AUTS2: variants seen among roughly 807,000 people sequenced by gnomAD.
The protein encoded by AUTS2 is activator of transcription and developmental regulator AUTS2, also known as autism susceptibility gene 2 protein.
In AUTS2, 17 loss-of-function variants were observed where a neutral mutation model predicts 112.4. The observed-to-expected ratio is 0.15, with a 90% CI of 0.10 to 0.23. AUTS2 has a LOEUF of 0.23. Among genes scored for constraint, AUTS2 ranks in the 10% least tolerant of loss-of-function variants. AUTS2 has a pLI of 1.00. For synonymous variants in AUTS2, 751 were observed against 702.7 expected, an observed-to-expected ratio of 1.07 and a Z score of -1.09; for missense variants, 1,510 against 1,701.6, an observed-to-expected ratio of 0.89 and a Z score of 1.98.
chr7:69,968,969 A>G (rs1214916055), intron 2 of AUTS2, among the ~76,000 whole-genome samples: 1 of 152,082 alleles, frequency 6.6e-6, no homozygotes, highest in Non-Finnish European at 1.5e-5. Context: ...TTTTAAACTC[A>G]CTTGCATTGT....
chr7:70,160,095 T>C (rs568303126), intron 4 of AUTS2, among the ~76,000 whole-genome samples: 41 of 152,310 alleles, frequency 2.7e-4, no homozygotes, highest in Admixed American at 7.2e-4. Context: ...ACTATTCTTT[T>C]ACATGTGACT....
chr7:69,901,898 A>G (rs889938165), intron 2 of AUTS2, among the ~76,000 whole-genome samples: 1 of 152,162 alleles, frequency 6.6e-6, no homozygotes, highest in African/African-American at 2.4e-5. Context: ...AAGGGCTTGG[A>G]CTTGAATGTT....
intron 4 of AUTS2, among the ~76,000 whole-genome samples, chr7:70,224,381 A>G (rs561056493): frequency 6.6e-6 from 1 of 151,862 alleles, no homozygotes; most frequent in Non-Finnish European, 1.5e-5. Context: ...ATACAATACA[A>G]TACAATACAA....
At chr7:70,608,276 A>G (rs1029417717) in intron 5 of AUTS2, among the ~76,000 whole-genome samples, 3 of 151,824 alleles carry the variant, frequency 2.0e-5, no homozygotes, top group Non-Finnish European at 4.4e-5. Context: ...GCTAATTTTT[A>G]ATTTTTTTTG....
In AUTS2 at chr7:70,785,863, A is replaced by G. The variant is rs1025677569; in HGVS notation, c.2225-92A>G. On this transcript the variant is annotated intron_variant, in intron 16 of 18. Coordinates refer to ENST00000342771, the MANE Select transcript of AUTS2 (RefSeq NM_015570.4). The stretch of plus-strand genomic sequence containing the variant: ...GGCCAGGTGGGGGCGTAGAGAGGGC[A>G]GGGATCCCGCATCGCCCTGCTCCCA... 5.1e-6 allele frequency: 6 copies of G among 1,180,262 alleles called. No individual in the cohort carries two copies. In the African/African-American group the frequency reaches 9.1e-5, roughly 18 times the overall value. The allele number at this position is 1,180,262 out of a possible 1,614,324, so 73.1% of individuals were successfully genotyped here. A position where few individuals can be genotyped will look rare whatever the true frequency, so the allele number is the denominator to read the frequency against.
intron 4 of AUTS2, among the ~76,000 whole-genome samples, chr7:70,312,979 T>A (rs1185317881): frequency 1.3e-5 from 2 of 152,186 alleles, no homozygotes; most frequent in African/African-American, 4.8e-5. Context: ...TGTGGAAGAT[T>A]GATTTGGGAG....
At chr7:70,044,213 G>GC (rs978136200) in intron 2 of AUTS2, among the ~76,000 whole-genome samples, 4 of 152,144 alleles carry the variant, frequency 2.6e-5, no homozygotes, top group Non-Finnish European at 4.4e-5. Context: ...GGTCCTCCAG[G>GC]CTGAGCCACA....
intron 1 of AUTS2, among the ~76,000 whole-genome samples, chr7:69,815,248 T>G (rs1276558239): frequency 6.6e-6 from 1 of 152,236 alleles, no homozygotes; most frequent in African/African-American, 2.4e-5. Context: ...CCTTGCAGCT[T>G]GCACATAATC....
At chr7:70,786,940 C>G in intron 17 of AUTS2, 1 of 533,400 alleles carries the variant, frequency 1.9e-6, no homozygotes, top group Non-Finnish European at 3.3e-6. Flanking sequence ...CATCTCAGTA[C>G]CCATTTGGTC....
chr7:69,836,773 A>G lies in AUTS2; in HGVS notation c.310-62513A>G, dbSNP rs558239776. ...ATTTGCACGCCTAAAAAAATTAACA[A>G]ATTTTCACAGTAACAATGATACTAG... On this transcript the variant is annotated intron_variant, in intron 1 of 18. Coordinates refer to ENST00000342771, the MANE Select transcript of AUTS2 (RefSeq NM_015570.4). 4.5e-4 allele frequency among the ~76,000 whole-genome samples: 69 copies of G among 152,284 alleles called. 1 individual carries two copies. The highest frequency in any genetic ancestry group is 1.6e-3 in the African/African-American group (68 of 41,566).
At chr7:69,914,425 G>A (rs928958822) in intron 2 of AUTS2, among the ~76,000 whole-genome samples, 1 of 149,670 alleles carries the variant, frequency 6.7e-6, no homozygotes, top group African/African-American at 2.5e-5. Flanking sequence ...CAGTATGACT[G>A]TTGTCTTCTC....
At chr7:70,175,862 ATAACT>A (rs1390712116) in intron 4 of AUTS2, among the ~76,000 whole-genome samples, 1 of 152,226 alleles carries the variant, frequency 6.6e-6, no homozygotes, top group African/African-American at 2.4e-5. Flanking sequence ...AATTATGTTA[ATAACT>A]TAACATAATT....
At chr7:70,288,917 A>G (rs1376796091) in intron 4 of AUTS2, among the ~76,000 whole-genome samples, 1 of 152,226 alleles carries the variant, frequency 6.6e-6, no homozygotes, top group Non-Finnish European at 1.5e-5. Context: ...TACATCATGA[A>G]TGATTTAGAG....
At chr7:70,355,029 GGTGT>G (rs949644485) in intron 4 of AUTS2, among the ~76,000 whole-genome samples, 2 of 135,798 alleles carry the variant, frequency 1.5e-5, no homozygotes, top group Non-Finnish European at 3.2e-5. Flanking sequence ...TGTGTGTATG[GGTGT>G]GTGTGTATGT....
intron 1 of AUTS2, among the ~76,000 whole-genome samples, chr7:69,775,458 AG>A (rs977895312): frequency 2.6e-5 from 4 of 152,172 alleles, no homozygotes; most frequent in Non-Finnish European, 4.4e-5. Flanking sequence ...AATCTTGTCA[AG>A]GAAGCCCAGG....
intron 2 of AUTS2, among the ~76,000 whole-genome samples, chr7:69,984,593 T>C (rs1461854413): frequency 1.3e-5 from 2 of 152,108 alleles, no homozygotes; most frequent in Non-Finnish European, 2.9e-5. Context: ...TTGTTTCACG[T>C]TACTTATCTT....
chr7:70,790,397 T>C lies in AUTS2; in HGVS notation c.3181T>C (p.Phe1061Leu), dbSNP rs1791841048. The change falls in exon 19 of 19, where the codon TTC becomes CTC. Residue 1061 changes from phenylalanine to leucine, a missense_variant. Coordinates refer to ENST00000342771, the MANE Select transcript of AUTS2 (RefSeq NM_015570.4). The surrounding 1 kb of genome is among the most constrained non-coding windows in gnomAD (Gnocchi z 7.6). ...CAGCCCCCTCCCGGGCGGAGAGCGCTTCCCGTACCCTTCTTTCCACTGGGA... is the reference window on the plus strand; with the variant it reads ...CAGCCCCCTCCCGGGCGGAGAGCGCCTCCCGTACCCTTCTTTCCACTGGGA... The part of the protein sequence containing the change: ...GISPLPGGER[F>L]PYPSFHWDPI... The C allele has an allele frequency of 6.2e-7, 1 of 1,613,584 alleles. No individual in the cohort carries two copies.
chr7:70,382,840 G>A (rs939994546), intron 4 of AUTS2, among the ~76,000 whole-genome samples: 2 of 152,018 alleles, frequency 1.3e-5, no homozygotes, highest in East Asian at 1.9e-4. Context: ...AAAACAACAC[G>A]ATGGATTTTC....
chr7:70,111,245 C>G (rs993072783), intron 2 of AUTS2, among the ~76,000 whole-genome samples: 1 of 152,012 alleles, frequency 6.6e-6, no homozygotes, highest in Non-Finnish European at 1.5e-5. Flanking sequence ...AGTACTTGTC[C>G]CTTATTTACT....
Sources: gnomAD v4.1 joint callset for allele counts (sites outside exome capture counted in the v4.1 genomes callset) on GRCh38, gnomAD v4.1.1 for gene constraint, Gnocchi (gnomAD v3.1) non-coding constraint, MANE v1.5 for transcripts, NCBI Gene and HGNC (gene_info 2026-07-23, HGNC 2026-07-21) for gene names.